The following CCDC148 variants were observed in gnomAD, a reference collection of about 807,000 sequenced individuals.
CCDC148 encodes coiled-coil domain containing 148.
Under a neutral mutation model 85.7 loss-of-function variants are expected in CCDC148, and 89 were observed. The observed-to-expected ratio is 1.04, with a 90% CI of 0.87 to 1.24. CCDC148 has a LOEUF of 1.24. CCDC148 is among the 50% of genes most tolerant of loss of function. The probability of loss-of-function intolerance (pLI) is 0.00; values close to 1 mark genes in which losing one functional copy is unlikely to be tolerated. For synonymous variants in CCDC148, 230 were observed against 213.9 expected (o/e 1.08, Z -0.66); for missense variants, 692 against 671.7 (o/e 1.03, Z -0.33).
chr2:158,171,207 C>G lies in CCDC148; in HGVS notation c.*906G>C, dbSNP rs1025826806. ...TTTTTACATTATTCCAGTAATTGCA[C>G]AGAGGCTGCAACCCCTGGGAGGTAG... On this transcript the variant is annotated 3_prime_UTR_variant, in exon 14 of 14. Coordinates refer to ENST00000283233, the MANE Select transcript of CCDC148 (RefSeq NM_138803.4). 6.6e-6 allele frequency: 1 copy of G among 150,806 alleles called. No individual in the cohort carries two copies. The highest frequency in any genetic ancestry group is 1.5e-5 in the Non-Finnish European group (1 of 67,782). The allele number at this position is 150,806 out of a possible 1,614,324, so 9.3% of individuals were successfully genotyped here. A position where few individuals can be genotyped will look rare whatever the true frequency, so the allele number is the denominator to read the frequency against.
rs112921844 is a variant in CCDC148, at chr2:158,220,103, T to C, written c.1370+492A>G. Among the ~76,000 whole-genome samples the C allele has an allele frequency of 6.9e-3, 1,048 of 152,338 alleles. 15 individuals are homozygous for C. The highest frequency in any genetic ancestry group is 0.023 in the African/African-American group (976 of 41,580). On this transcript the variant is annotated intron_variant, in intron 11 of 13. Transcript: ENST00000283233. The stretch of plus-strand genomic sequence containing the variant: ...CTAGGCTACTTGATCTCAAATGTCC[T>C]TTCCAGATCTAAAATTACATACTTC...
chr2:158,202,106 G>T (rs1685995178), intron 11 of CCDC148, among the ~76,000 whole-genome samples: 1 of 152,126 alleles, frequency 6.6e-6, no homozygotes, highest in Admixed American at 6.6e-5. Flanking sequence ...CTCTTCCTTT[G>T]CTTGAAATTT....
chr2:158,264,912 A>G (rs920031452), intron 9 of CCDC148, among the ~76,000 whole-genome samples: 1 of 152,088 alleles, frequency 6.6e-6, no homozygotes, highest in Non-Finnish European at 1.5e-5. Context: ...TTCTGAATTC[A>G]TTTGTTTTAT....
intron 11 of CCDC148, among the ~76,000 whole-genome samples, chr2:158,216,087 T>C (rs745781683): frequency 1.6e-4 from 24 of 152,322 alleles, no homozygotes; most frequent in Middle Eastern, 3.4e-3. Context: ...ACAGTGGTAT[T>C]ATATTGTTAA....
chr2:158,434,001 A>T (rs947894108), intron 1 of CCDC148, among the ~76,000 whole-genome samples: 2 of 152,234 alleles, frequency 1.3e-5, no homozygotes, highest in Non-Finnish European at 2.9e-5. Context: ...CCCACCGCAG[A>T]TCAAGGAGGC....
At chr2:158,336,110 T>C (rs1341022818) in intron 7 of CCDC148, among the ~76,000 whole-genome samples, 1 of 152,168 alleles carries the variant, frequency 6.6e-6, no homozygotes, top group Non-Finnish European at 1.5e-5. Context: ...ACAATCTATG[T>C]GAGCCCAATA....
At chr2:158,205,734 T>C (rs539900060) in intron 11 of CCDC148, among the ~76,000 whole-genome samples, 118 of 152,226 alleles carry the variant, frequency 7.8e-4, no homozygotes, top group African/African-American at 2.8e-3. Context: ...GTCAGTTTAG[T>C]GAGTGATCTG....
chr2:158,227,924 A>G (rs947132139), intron 10 of CCDC148, among the ~76,000 whole-genome samples: 1 of 152,192 alleles, frequency 6.6e-6, no homozygotes, highest in Non-Finnish European at 1.5e-5. Flanking sequence ...AAAACACCAA[A>G]AGCAATGGCA....
intron 1 of CCDC148, among the ~76,000 whole-genome samples, chr2:158,367,551 T>A (rs1684257115): frequency 6.6e-6 from 1 of 152,168 alleles, no homozygotes; most frequent in Non-Finnish European, 1.5e-5. Context: ...CTGTCTAATT[T>A]TTTCCTCCTG....
intron 9 of CCDC148, among the ~76,000 whole-genome samples, chr2:158,288,126 C>A (rs1690719122): frequency 6.6e-6 from 1 of 152,126 alleles, no homozygotes; most frequent in Non-Finnish European, 1.5e-5. Context: ...TGAAGGACAC[C>A]AAGTCCCTAG....
intron 9 of CCDC148, among the ~76,000 whole-genome samples, chr2:158,292,661 G>T (rs1690948774): frequency 6.6e-6 from 1 of 152,110 alleles, no homozygotes; most frequent in East Asian, 1.9e-4. Flanking sequence ...ACTACAAAAG[G>T]CAGTTAGATC....
chr2:158,279,045 C>T (rs989939274), intron 9 of CCDC148, among the ~76,000 whole-genome samples: 1 of 152,232 alleles, frequency 6.6e-6, no homozygotes, highest in Non-Finnish European at 1.5e-5. Context: ...CTAGCAAACT[C>T]TAACAGACCT....
chr2:158,190,387 T>G (rs1368722129), intron 11 of CCDC148, among the ~76,000 whole-genome samples: 1 of 151,962 alleles, frequency 6.6e-6, no homozygotes, highest in African/African-American at 2.4e-5. Flanking sequence ...TTATACAAAG[T>G]GCCATATATG....
intron 1 of CCDC148, among the ~76,000 whole-genome samples, chr2:158,414,256 GA>G (rs1686392636): frequency 6.6e-6 from 1 of 151,940 alleles, no homozygotes; most frequent in Non-Finnish European, 1.5e-5. Context: ...TAAGCCCAAA[GA>G]AAAAAATAAA....
chr2:158,225,324 A>G (rs573534713), intron 10 of CCDC148, among the ~76,000 whole-genome samples: 3,593 of 152,304 alleles, frequency 0.024, 124 homozygotes, highest in African/African-American at 0.077. Flanking sequence ...AGAGACCTAC[A>G]AAGAGACTTA....
rs190326777 is a variant in CCDC148, at chr2:158,285,766, G to A, written c.1110+23667C>T. The stretch of plus-strand genomic sequence containing the variant: ...TTAGCCAGGATGGTCTTGATCTCCT[G>A]ACCTCATGATCCACCCGCCTCAGCC... On this transcript the variant is annotated intron_variant, in intron 9 of 13. Transcript: ENST00000283233. Among the ~76,000 whole-genome samples the A allele has an allele frequency of 4.9e-3, 743 of 151,590 alleles. 4 individuals are homozygous for A. The highest frequency in any genetic ancestry group is 0.021 in the Middle Eastern group (6 of 290).
chr2:158,352,368 G>C (rs959170329), intron 2 of CCDC148, among the ~76,000 whole-genome samples: 1 of 152,214 alleles, frequency 6.6e-6, no homozygotes, highest in African/African-American at 2.4e-5. Context: ...AACCAACACA[G>C]AGAACTGCTT....
chr2:158,345,463 C>A, intron 2 of CCDC148, 145 bp from the exon 3 acceptor site: 2 of 528,782 alleles, frequency 3.8e-6, no homozygotes, highest in Non-Finnish European at 3.3e-6. Context: ...CAAAATCTAC[C>A]TAAAATAAAT....
At chr2:158,393,460 C>A (rs1292911564) in intron 1 of CCDC148, 1 of 152,056 alleles carries the variant, frequency 6.6e-6, no homozygotes, top group African/African-American at 2.4e-5. Flanking sequence ...AGGGGGCTTT[C>A]ATCAATTATA....
Sources: gnomAD v4.1 joint callset for allele counts (sites outside exome capture counted in the v4.1 genomes callset) on GRCh38, gnomAD v4.1.1 for gene constraint, MANE v1.5 for transcripts, NCBI Gene and HGNC (gene_info 2026-07-23, HGNC 2026-07-21) for gene names.